Variants in KCNH8 observed in about 807,000 individuals in gnomAD.
KCNH8 encodes the protein potassium voltage-gated channel subfamily H member 8.
A neutral mutation model predicts 103.6 loss-of-function variants in KCNH8; 70 were observed. That is an observed-to-expected ratio of 0.68 (90% CI 0.56 to 0.82). KCNH8 has a LOEUF of 0.82. KCNH8 is among the 40% of genes least tolerant of loss of function. The pLI, the probability that KCNH8 is intolerant of heterozygous loss-of-function variation, is 0.00. For missense variants in KCNH8, 1,217 were observed against 1,329.9 expected, an observed-to-expected ratio of 0.92 and a Z score of 1.32; for synonymous variants, 498 against 489.4, an observed-to-expected ratio of 1.02 and a Z score of -0.23.
rs866711283 is a variant in KCNH8, at chr3:19,534,198, G to A, written c.*99G>A. 8.4e-6 allele frequency: 7 copies of A among 838,098 alleles called. No individual in the cohort carries two copies. Among genetic ancestry groups the A allele is most frequent in the African/African-American group, 6.9e-5 (4 of 58,338 alleles). 51.9% of individuals were successfully genotyped at this position (838,098 alleles called of 1,614,324 possible). On this transcript the variant is annotated 3_prime_UTR_variant, in exon 16 of 16. Coordinates refer to ENST00000328405, the MANE Select transcript of KCNH8 (RefSeq NM_144633.3). ...CTGGTGGGCATGAAGACTGAGCAAA[G>A]CTGGGAATCCTGCAGAAAAGAGTGT...
intron 2 of KCNH8, among the ~76,000 whole-genome samples, chr3:19,274,819 C>T (rs2064640041): frequency 8.9e-6 from 1 of 112,488 alleles, no homozygotes. Flanking sequence ...AACTTGATTT[C>T]CCTTCCCTTC....
intron 1 of KCNH8, among the ~76,000 whole-genome samples, chr3:19,187,081 ATGT>A (rs1044653751): frequency 6.6e-6 from 1 of 152,038 alleles, no homozygotes; most frequent in African/African-American, 2.4e-5. Context: ...ATGTTACAAA[ATGT>A]TGTTCTTTTT....
At chr3:19,382,849 T>C (rs926702565) in intron 5 of KCNH8, among the ~76,000 whole-genome samples, 1 of 152,084 alleles carries the variant, frequency 6.6e-6, no homozygotes, top group Non-Finnish European at 1.5e-5. Context: ...TGGGATATAG[T>C]GTAAAGTTTT....
chr3:19,299,233 C>T (rs1416683174), intron 3 of KCNH8, among the ~76,000 whole-genome samples: 1 of 152,084 alleles, frequency 6.6e-6, no homozygotes, highest in Non-Finnish European at 1.5e-5. Context: ...ATCTCACAGT[C>T]GTTTAAGTTT....
At chr3:19,329,857 G>A (rs866985983) in intron 3 of KCNH8, among the ~76,000 whole-genome samples, 2 of 151,622 alleles carry the variant, frequency 1.3e-5, no homozygotes, top group Admixed American at 6.6e-5. Flanking sequence ...TCCTTCCCAT[G>A]TGCAGTCCCT....
chr3:19,405,046 A>C (rs2066671455), intron 7 of KCNH8, among the ~76,000 whole-genome samples: 1 of 152,020 alleles, frequency 6.6e-6, no homozygotes, highest in South Asian at 2.1e-4. Flanking sequence ...TCCCTGCCCC[A>C]AAAAATCTAA....
At chr3:19,291,448 T>C (rs2064923984) in intron 3 of KCNH8, among the ~76,000 whole-genome samples, 1 of 152,236 alleles carries the variant, frequency 6.6e-6, no homozygotes, top group South Asian at 2.1e-4. Flanking sequence ...GTTGTGTTTT[T>C]GTTTTCATTG....
At chr3:19,511,810 A>G (rs756311726) in intron 12 of KCNH8, among the ~76,000 whole-genome samples, 1 of 152,192 alleles carries the variant, frequency 6.6e-6, no homozygotes, top group Non-Finnish European at 1.5e-5. Context: ...TCATAAGTAA[A>G]CTATGCATTT....
chr3:19,179,665 A>C (rs1458856066), intron 1 of KCNH8, among the ~76,000 whole-genome samples: 1 of 152,136 alleles, frequency 6.6e-6, no homozygotes, highest in East Asian at 1.9e-4. Flanking sequence ...TTTCCAAAGA[A>C]ATACAATAAC....
intron 1 of KCNH8, among the ~76,000 whole-genome samples, chr3:19,234,640 G>A (rs1193835986): frequency 6.6e-6 from 1 of 151,806 alleles, no homozygotes; most frequent in Non-Finnish European, 1.5e-5. Context: ...ACACCTTCCC[G>A]CAAGCTGAGG....
chr3:19,253,511 G>T, intron 1 of KCNH8, 143 bp from the exon 2 acceptor site: 1 of 665,676 alleles, frequency 1.5e-6, no homozygotes, highest in Non-Finnish European at 2.6e-6. Flanking sequence ...TTATGTTTTG[G>T]AGTGTCTCTT....
Position 19,513,260 on chromosome 3 carries a change from A to G in KCNH8, c.2370A>G (p.Lys790=). 1 of 1,613,164 alleles carries G rather than the reference A, an allele frequency of 6.2e-7. No individual in the cohort carries two copies. Among genetic ancestry groups the G allele is most frequent in the Non-Finnish European group, 8.5e-7 (1 of 1,179,752 alleles). The change falls in exon 13 of 16, where the codon AAA becomes AAG. Residue 790 remains lysine, a synonymous_variant. Transcript: ENST00000328405. ...EIDPPNHNKR[K]EKNLKLQLST... ...ACCCCCCCAACCATAATAAAAGGAA[A>G]GAGAAGAACTTGAAATTGCAACTTT...
At chr3:19,499,333 C>T (rs1476525237) in intron 11 of KCNH8, among the ~76,000 whole-genome samples, 9 of 152,028 alleles carry the variant, frequency 5.9e-5, no homozygotes, top group Admixed American at 3.3e-4. Flanking sequence ...CTGAAAGTCA[C>T]AAGGAGAATG....
chr3:19,279,898 C>T (rs1187814189), intron 2 of KCNH8, among the ~76,000 whole-genome samples: 2 of 152,052 alleles, frequency 1.3e-5, no homozygotes, highest in Non-Finnish European at 2.9e-5. Context: ...AGGGATATTT[C>T]TGACCCTCAT....
intron 1 of KCNH8, among the ~76,000 whole-genome samples, chr3:19,230,436 A>T (rs926510579): frequency 1.6e-4 from 25 of 152,234 alleles, no homozygotes; most frequent in African/African-American, 5.8e-4. Context: ...CTAAATAAGC[A>T]GCAGACTCTT....
At chr3:19,297,544 G>C (rs532427515) in intron 3 of KCNH8, among the ~76,000 whole-genome samples, 1 of 152,166 alleles carries the variant, frequency 6.6e-6, no homozygotes, top group Non-Finnish European at 1.5e-5. Context: ...TGAAGTTACA[G>C]TGACATATAT....
chr3:19,484,988 T>C (rs2068174585), intron 11 of KCNH8, among the ~76,000 whole-genome samples: 1 of 152,182 alleles, frequency 6.6e-6, no homozygotes, highest in African/African-American at 2.4e-5. Flanking sequence ...GAAGGGCCTG[T>C]ATCTATTTTA....
intron 5 of KCNH8, among the ~76,000 whole-genome samples, chr3:19,369,468 T>TCTCCGCTGTATCACACACTCG (rs1185586858): frequency 3.9e-5 from 6 of 151,956 alleles, no homozygotes; most frequent in African/African-American, 1.4e-4. Flanking sequence ...CTCTCCTTTC[T>TCTCCGCTGTATCACACACTCG]CTCCGCTGTA....
At chr3:19,273,040 T>C (rs2064612208) in intron 2 of KCNH8, among the ~76,000 whole-genome samples, 1 of 152,192 alleles carries the variant, frequency 6.6e-6, no homozygotes, top group African/African-American at 2.4e-5. Flanking sequence ...GCTTGCAATG[T>C]AATTTCCAAA....
Sources: allele counts gnomAD v4.1 joint callset (sites outside exome capture counted in the v4.1 genomes callset), GRCh38; gene constraint gnomAD v4.1.1; transcripts MANE v1.5; gene names NCBI Gene and HGNC (gene_info 2026-07-23, HGNC 2026-07-21).